Variants in MED13 observed in about 807,000 individuals in gnomAD.
MED13 encodes mediator of RNA polymerase II transcription subunit 13.
MED13 carries 23 observed loss-of-function variants against 225.2 expected under a neutral mutation model. The ratio of observed to expected loss-of-function variants is 0.10; its 90% CI spans 0.07 to 0.14. The LOEUF (loss-of-function observed/expected upper bound fraction) is 0.14, where lower values mean the gene tolerates loss of function less well. Among genes scored for constraint, MED13 ranks in the 10% least tolerant of loss-of-function variants. MED13 has a pLI of 1.00. For missense variants in MED13, 2,197 were observed against 2,594.5 expected (o/e 0.85, Z 3.33); for synonymous variants, 942 against 889.2 (o/e 1.06, Z -1.06).
intron 11 of MED13, among the ~76,000 whole-genome samples, chr17:61,991,373 C>T (rs2080297298): frequency 6.6e-6 from 1 of 151,792 alleles, no homozygotes; most frequent in South Asian, 2.1e-4. Context: ...CCTGCCTCGG[C>T]CTTACAGGTG....
At chr17:62,043,156 C>CAA (rs764530614) in intron 3 of MED13, among the ~76,000 whole-genome samples, 809 of 31,716 alleles carry the variant, frequency 0.026, 72 homozygotes, top group East Asian at 0.076. Context: ...ACCCTGTCTC[C>CAA]AAAAAAAAAA....
chr17:62,026,287 T>C (rs2080701030), intron 8 of MED13, among the ~76,000 whole-genome samples: 2 of 152,210 alleles, frequency 1.3e-5, no homozygotes, highest in African/African-American at 2.4e-5. Context: ...TCTATTCTTC[T>C]ACCAATCATT....
intron 3 of MED13, among the ~76,000 whole-genome samples, chr17:62,040,611 G>A (rs2080844834): frequency 6.6e-6 from 1 of 152,160 alleles, no homozygotes; most frequent in Non-Finnish European, 1.5e-5. Flanking sequence ...TGCCAGTAGA[G>A]AATCCGAGGC....
chr17:62,017,030 TAATAAATA>T (rs546974415), intron 8 of MED13, among the ~76,000 whole-genome samples: 2 of 149,724 alleles, frequency 1.3e-5, no homozygotes, highest in East Asian at 3.9e-4. Flanking sequence ...ATAATAATAA[TAATAAATA>T]AATAAATAAA....
intron 8 of MED13, among the ~76,000 whole-genome samples, chr17:62,024,850 G>A (rs2080685054): frequency 6.6e-6 from 1 of 152,264 alleles, no homozygotes; most frequent in East Asian, 1.9e-4. Flanking sequence ...TCATGTTCCT[G>A]CAGAAGACAT....
At chr17:62,033,752 A>G (rs2143686881) in intron 5 of MED13, 35 bp downstream of exon 5, 2 of 1,593,070 alleles carry the variant, frequency 1.3e-6, no homozygotes, top group Non-Finnish European at 1.7e-6. Flanking sequence ...ACAATCATGC[A>G]TTTTCCCCTT....
intron 2 of MED13, among the ~76,000 whole-genome samples, chr17:62,057,855 CAA>C (rs1002419582): frequency 2.0e-5 from 3 of 152,116 alleles, no homozygotes; most frequent in South Asian, 2.1e-4. Context: ...TCAGTTTTCT[CAA>C]AGAGTCTCAT....
chr17:61,998,444 T>C (rs542937182), intron 9 of MED13, among the ~76,000 whole-genome samples: 79 of 152,310 alleles, frequency 5.2e-4, no homozygotes, highest in African/African-American at 1.7e-3. Context: ...TAACATAGCT[T>C]ATGGTAGCAT....
chr17:62,048,939 A>G (rs1439065330), intron 3 of MED13, among the ~76,000 whole-genome samples: 1 of 152,168 alleles, frequency 6.6e-6, no homozygotes, highest in African/African-American at 2.4e-5. Context: ...TTATAAGGAT[A>G]GAAAAGAAAG....
rs770406586 is a variant in MED13, at chr17:61,946,951, G to A, written c.6358C>T (p.Pro2120Ser). Residue 2120 changes from proline (P) to serine (S), a missense_variant, in exon 29 of 30, where the codon CCA becomes TCA. Around this residue, in one of 12 missense-constraint regions of MED13, gnomAD observed 216 missense variants for 388.9 expected, o/e 0.56. Transcript: ENST00000397786. ...TCTGAAGTCTGATTTGAGTCAAGTG[G>A]GTGGGAGTGTTTACTGTGAAGCAGC... The part of the protein sequence containing the change: ...DELLHSKHSH[P>S]LDSNQTSDVL... The A allele has an allele frequency of 3.1e-6, 5 of 1,613,944 alleles. No homozygotes were observed. The highest frequency in any genetic ancestry group is 3.3e-5 in the Admixed American group (2 of 59,996).
intron 9 of MED13, chr17:62,004,398 G>A (rs1038675362): frequency 6.6e-5 from 10 of 152,240 alleles, no homozygotes; most frequent in Admixed American, 5.2e-4. Flanking sequence ...GGGAGAGAAA[G>A]ACCATAGTTT....
At chr17:62,010,047 C>T (rs937705161) in intron 9 of MED13, among the ~76,000 whole-genome samples, 26 of 152,088 alleles carry the variant, frequency 1.7e-4, no homozygotes, top group African/African-American at 6.0e-4. Flanking sequence ...CATGGTGAAA[C>T]CCCATCTCTA....
intron 9 of MED13, chr17:62,006,085 G>T (rs1204202477): frequency 6.6e-6 from 1 of 152,030 alleles, no homozygotes; most frequent in East Asian, 1.9e-4. Context: ...CTCAAAATAA[G>T]ATAAAATACA....
rs1279462228 is a variant in MED13, at chr17:62,025,640, T to C, written c.1283+3901A>G. Among the ~76,000 whole-genome samples, 3 of 152,166 alleles carry C rather than the reference T, an allele frequency of 2.0e-5. No homozygotes were observed. The East Asian group carries it at 5.8e-4, about 29-fold the overall frequency. ...AGCCGAGATCACACCATTGCACTCC[T>C]GTCTGCGAGATATCGTCTCAAACAA... On this transcript the variant is annotated intron_variant, in intron 8 of 29. Coordinates refer to ENST00000397786, the MANE Select transcript of MED13 (RefSeq NM_005121.3).
rs981327062 is a variant in MED13, at chr17:61,943,967, A to C, written c.*2501T>G. The C allele has an allele frequency of 3.9e-5, 6 of 152,598 alleles. No individual in the cohort carries two copies. Among genetic ancestry groups the C allele is most frequent in the African/African-American group, 1.4e-4 (6 of 41,458 alleles). 9.5% of individuals were successfully genotyped at this position (152,598 alleles called of 1,614,324 possible). A position where few individuals can be genotyped will look rare whatever the true frequency, so the allele number is the denominator to read the frequency against. ...TACCCATATTTGTCTGTGACAGTAC[A>C]TTAGTAAGTCAAATCCATCATCCTG... On this transcript the variant is annotated 3_prime_UTR_variant, in exon 30 of 30. Coordinates refer to ENST00000397786, the MANE Select transcript of MED13 (RefSeq NM_005121.3).
At chr17:61,946,702 A>G in intron 29 of MED13, 102 bp from the exon 30 acceptor site, 1 of 1,427,896 alleles carries the variant, frequency 7.0e-7, no homozygotes, top group Non-Finnish European at 9.6e-7. Flanking sequence ...CACCTTAAAA[A>G]AGAGTGTAAC....
chr17:62,001,469 T>C (rs1168617330), intron 9 of MED13, among the ~76,000 whole-genome samples: 1 of 152,226 alleles, frequency 6.6e-6, no homozygotes, highest in Non-Finnish European at 1.5e-5. Context: ...CCAAAATCCT[T>C]ATTTTCTAAA....
rs2080061208 is a variant in MED13, at chr17:61,966,627, G to A, written c.4216C>T (p.Pro1406Ser). The A allele has an allele frequency of 1.2e-6, 2 of 1,611,124 alleles. No homozygotes were observed. Among genetic ancestry groups the A allele is most frequent in the Non-Finnish European group, 1.7e-6 (2 of 1,179,178 alleles). Reference protein sequence around the residue: ...YESCRLGQHRPVSRLLTDGIM... With the variant: ...YESCRLGQHRSVSRLLTDGIM... ...CCATCTGTTAACAGTCGAGAAACAG[G>A]TCTATGTTGACCTAATCGACAGGAC... Residue 1406 changes from proline (P) to serine (S), a missense_variant, in exon 19 of 30, where the codon CCT becomes TCT. Around this residue, in one of 12 missense-constraint regions of MED13, gnomAD observed 457 missense variants for 442.2 expected, o/e 1.03. Transcript: ENST00000397786.
chr17:62,063,477 G>A (rs2081057864), intron 1 of MED13, among the ~76,000 whole-genome samples, 176 bp from the exon 2 acceptor site: 1 of 152,140 alleles, frequency 6.6e-6, no homozygotes, highest in Admixed American at 6.5e-5. Context: ...GAATTTTAGG[G>A]AGAAGAATAC....
Sources: allele counts gnomAD v4.1 joint callset (sites outside exome capture counted in the v4.1 genomes callset), GRCh38; gene constraint gnomAD v4.1.1; regional missense constraint gnomAD v4.1.1; transcripts MANE v1.5; gene names NCBI Gene and HGNC (gene_info 2026-07-23, HGNC 2026-07-21).